RRAS2: variants seen among roughly 807,000 people sequenced by gnomAD.
RRAS2 encodes ras-related protein R-Ras2.
RRAS2 carries 7 observed loss-of-function variants against 27.6 expected under a neutral mutation model. The observed-to-expected ratio is 0.25, with a 90% confidence interval of 0.14 to 0.48. RRAS2 has a LOEUF of 0.48. RRAS2 is among the 20% of genes least tolerant of loss of function. The probability of loss-of-function intolerance (pLI) is 0.99; values close to 1 mark genes in which losing one functional copy is unlikely to be tolerated. For synonymous variants in RRAS2, 86 were observed against 90.9 expected, an observed-to-expected ratio of 0.95 and a Z score of 0.31; for missense variants, 178 against 256.2, an observed-to-expected ratio of 0.69 and a Z score of 2.08.
At chr11:14,354,636 GAACT>G (rs1181653088) in intron 1 of RRAS2, 12 of 145,498 alleles carry the variant, frequency 8.2e-5, no homozygotes, top group African/African-American at 2.5e-4. Flanking sequence ...CCAAGATACA[GAACT>G]AACAGCAGCA....
intron 1 of RRAS2, among the ~76,000 whole-genome samples, chr11:14,309,381 C>T (rs1451528537): frequency 6.6e-6 from 1 of 152,212 alleles, no homozygotes; most frequent in Non-Finnish European, 1.5e-5. Context: ...CTATAATGTG[C>T]CAAGCATTGT....
At chr11:14,347,010 T>C (rs2134030617) in intron 1 of RRAS2, among the ~76,000 whole-genome samples, 1 of 152,116 alleles carries the variant, frequency 6.6e-6, no homozygotes, top group South Asian at 2.1e-4. Flanking sequence ...AATAAAAAAG[T>C]TAGACGGGCA....
intron 5 of RRAS2, among the ~76,000 whole-genome samples, chr11:14,280,917 G>A (rs1257613408): frequency 2.0e-5 from 3 of 151,984 alleles, no homozygotes; most frequent in East Asian, 1.9e-4. Context: ...AACGTACCTC[G>A]TAATTCTATC....
intron 1 of RRAS2, among the ~76,000 whole-genome samples, chr11:14,327,802 C>A (rs1591475122): frequency 1.8e-5 from 2 of 111,780 alleles, no homozygotes; most frequent in East Asian, 5.3e-4. Flanking sequence ...TCACCTGTAA[C>A]AACTCAATAG....
chr11:14,345,034 C>T (rs1254887386), intron 1 of RRAS2, among the ~76,000 whole-genome samples: 1 of 136,832 alleles, frequency 7.3e-6, no homozygotes, highest in Non-Finnish European at 1.5e-5. Flanking sequence ...GTCACCCAGA[C>T]TGGAGTGCAG....
intron 1 of RRAS2, among the ~76,000 whole-genome samples, chr11:14,335,313 C>A (rs1264715842): frequency 6.6e-6 from 1 of 152,148 alleles, no homozygotes; most frequent in East Asian, 1.9e-4. Flanking sequence ...ACTTTACATT[C>A]CCAAATCTAC....
intron 1 of RRAS2, among the ~76,000 whole-genome samples, chr11:14,305,974 G>T (rs1205433152): frequency 1.2e-4 from 18 of 152,064 alleles, no homozygotes; most frequent in Admixed American, 4.6e-4. Flanking sequence ...GAGCCCAGGA[G>T]TTAGAGGCTG....
chr11:14,291,890 T>G (rs1420346864), intron 4 of RRAS2, among the ~76,000 whole-genome samples: 2 of 152,208 alleles, frequency 1.3e-5, no homozygotes, highest in African/African-American at 4.8e-5. Flanking sequence ...TTTAGAATAC[T>G]GTATTTGCAT....
upstream of RRAS2, among the ~76,000 whole-genome samples, chr11:14,361,243 T>C (rs1283999965): frequency 6.6e-6 from 1 of 150,440 alleles, no homozygotes; most frequent in Non-Finnish European, 1.5e-5. Context: ...GCCAAGATCG[T>C]GAGATCACGA....
At chr11:14,317,297 A>G (rs546584815) in intron 1 of RRAS2, among the ~76,000 whole-genome samples, 2 of 152,308 alleles carry the variant, frequency 1.3e-5, no homozygotes, top group Admixed American at 6.5e-5. Context: ...ATAAAATCTT[A>G]GGCCGGGCAT....
intron 2 of RRAS2, among the ~76,000 whole-genome samples, chr11:14,295,465 T>C (rs1473955484): frequency 2.6e-5 from 4 of 152,198 alleles, no homozygotes; most frequent in African/African-American, 9.7e-5. Flanking sequence ...TGCCAAAAGG[T>C]AGGAAGAGTT....
chr11:14,300,142 G>A (rs1278522033), intron 1 of RRAS2, among the ~76,000 whole-genome samples: 1 of 152,176 alleles, frequency 6.6e-6, no homozygotes, highest in East Asian at 1.9e-4. Flanking sequence ...AGTACACTGA[G>A]GGGAAAGGAA....
intron 1 of RRAS2, among the ~76,000 whole-genome samples, chr11:14,329,068 TACACACAC>T (rs200695347): frequency 1.3e-3 from 185 of 141,704 alleles, no homozygotes; most frequent in East Asian, 2.1e-3. Flanking sequence ...CACATATACA[TACACACAC>T]ACACACACAC....
At chr11:14,330,699 G>A (rs1848466247) in intron 1 of RRAS2, among the ~76,000 whole-genome samples, 1 of 151,902 alleles carries the variant, frequency 6.6e-6, no homozygotes, top group Non-Finnish European at 1.5e-5. Context: ...AAACGAAAAA[G>A]GCTGTAACAA....
At chr11:14,296,846 G>A (rs1201169998) in intron 1 of RRAS2, among the ~76,000 whole-genome samples, 3 of 151,952 alleles carry the variant, frequency 2.0e-5, no homozygotes, top group Admixed American at 6.6e-5. Context: ...GACAGTTAAA[G>A]TATCCAAGTA....
chr11:14,296,358 G>A (rs1847551039), intron 1 of RRAS2, among the ~76,000 whole-genome samples: 1 of 152,104 alleles, frequency 6.6e-6, no homozygotes, highest in African/African-American at 2.4e-5. Context: ...ATGTTCTTAT[G>A]AGCACCTTCA....
At position 14,289,306 on chromosome 11, in the gene RRAS2, C is replaced by A. The variant is rs910681506; in HGVS notation, c.408+5165G>T. 5.9e-5 allele frequency among the ~76,000 whole-genome samples: 9 copies of A among 152,098 alleles called. 1 individual carries two copies. Among genetic ancestry groups the A allele is most frequent in the African/African-American group, 2.2e-4 (9 of 41,506 alleles). ...AAGGAGGGGAAAAAGAGGGAACAAC[C>A]AAGGTAAGCCAGGAGAAAGATGGTA... On this transcript the variant is annotated intron_variant, in intron 4 of 5. Coordinates refer to ENST00000256196, the MANE Select transcript of RRAS2 (RefSeq NM_012250.6).
Position 14,312,836 on chromosome 11 carries a change from C to T in RRAS2, c.109-16981G>A, listed in dbSNP as rs184456741. On this transcript the variant is annotated intron_variant, in intron 1 of 5. Coordinates refer to ENST00000256196, the MANE Select transcript of RRAS2 (RefSeq NM_012250.6). ...CTGTTGTTTTACTTTCCTAATAATA[C>T]GAAGAACTAAATTCCTCATCAAGTT... is the stretch of plus-strand genomic sequence containing the variant. 6.5e-4 allele frequency among the ~76,000 whole-genome samples: 99 copies of T among 152,260 alleles called. 1 individual carries two copies. Among genetic ancestry groups the T allele is most frequent in the African/African-American group, 2.2e-3 (91 of 41,558 alleles).
In RRAS2 at chr11:14,359,039, G is replaced by A; in HGVS notation, c.-169C>T. ...CGGTCAGCGCGGTAGCGCGGCGCTG[G>A]GGACTGGCTGGGTACCGCCCGAGGC... On this transcript the variant is annotated 5_prime_UTR_variant, in exon 1 of 6. Coordinates refer to ENST00000256196, the MANE Select transcript of RRAS2 (RefSeq NM_012250.6). The A allele has an allele frequency of 8.9e-7, 1 of 1,120,272 alleles. No individual in the cohort carries two copies. Among genetic ancestry groups the A allele is most frequent in the Non-Finnish European group, 1.1e-6 (1 of 917,228 alleles). 69.4% of individuals were successfully genotyped at this position (1,120,272 alleles called of 1,614,324 possible).
Sources: allele counts gnomAD v4.1 joint callset (sites outside exome capture counted in the v4.1 genomes callset), GRCh38; gene constraint gnomAD v4.1.1; transcripts MANE v1.5; gene names NCBI Gene and HGNC (gene_info 2026-07-23, HGNC 2026-07-21).